Variants in EXOC4 observed in about 807,000 individuals in gnomAD.
The protein encoded by EXOC4 is exocyst complex component 4.
A neutral mutation model predicts 107.2 loss-of-function variants in EXOC4; 71 were observed. The ratio of observed to expected loss-of-function variants is 0.66; its 90% CI spans 0.55 to 0.81. The LOEUF is 0.81. EXOC4 is among the 30% of genes least tolerant of loss of function. EXOC4 has a pLI of 0.00. For missense variants in EXOC4, 1,108 were observed against 1,189.6 expected (o/e 0.93, Z 1.01); for synonymous variants, 456 against 441.2 (o/e 1.03, Z -0.42).
At chr7:133,695,900 A>AAAC (rs1345253721) in intron 10 of EXOC4, among the ~76,000 whole-genome samples, 1 of 152,258 alleles carries the variant, frequency 6.6e-6, no homozygotes, top group African/African-American at 2.4e-5. Context: ...TGTTATACTG[A>AAAC]AACACAACTG....
At chr7:133,610,721 A>T (rs990699522) in intron 9 of EXOC4, among the ~76,000 whole-genome samples, 2 of 152,022 alleles carry the variant, frequency 1.3e-5, no homozygotes, top group East Asian at 1.9e-4. Context: ...AGCAAAACAC[A>T]CAAGTGTTTC....
chr7:133,545,592 TTCTG>T (rs1237716799), intron 9 of EXOC4, among the ~76,000 whole-genome samples: 1 of 152,180 alleles, frequency 6.6e-6, no homozygotes, highest in Non-Finnish European at 1.5e-5. Flanking sequence ...AAATTTTCCT[TTCTG>T]TATTTATTAC....
intron 10 of EXOC4, among the ~76,000 whole-genome samples, chr7:133,761,254 C>T (rs1796026687): frequency 6.6e-6 from 1 of 151,998 alleles, no homozygotes; most frequent in Non-Finnish European, 1.5e-5. Flanking sequence ...GTGCATAGAG[C>T]GACACAGATG....
chr7:133,618,830 A>T (rs1054208169), intron 9 of EXOC4, among the ~76,000 whole-genome samples: 6 of 152,200 alleles, frequency 3.9e-5, no homozygotes, highest in Non-Finnish European at 7.4e-5. Context: ...ATTTTTGTCA[A>T]TTATTTATTG....
At chr7:133,679,600 A>G (rs1337679896) in intron 10 of EXOC4, among the ~76,000 whole-genome samples, 1 of 146,118 alleles carries the variant, frequency 6.8e-6, no homozygotes, top group Non-Finnish European at 1.5e-5. Flanking sequence ...TTGCTGCTCT[A>G]TCATGCCTCA....
intron 7 of EXOC4, among the ~76,000 whole-genome samples, chr7:133,449,239 T>C (rs1024389655): frequency 2.0e-5 from 3 of 152,172 alleles, no homozygotes; most frequent in Admixed American, 6.5e-5. Flanking sequence ...GATTGCTGGC[T>C]ACCACCAGAA....
intron 11 of EXOC4, among the ~76,000 whole-genome samples, chr7:133,861,882 T>C (rs962473785): frequency 6.6e-6 from 1 of 152,198 alleles, no homozygotes; most frequent in Admixed American, 6.5e-5. Flanking sequence ...GTTGAAGGTG[T>C]TTCCTGGACC....
chr7:133,283,803 C>T (rs1386081254), intron 2 of EXOC4, among the ~76,000 whole-genome samples: 2 of 152,202 alleles, frequency 1.3e-5, no homozygotes, highest in African/African-American at 4.8e-5. Flanking sequence ...TGAATTCTGG[C>T]ACTACTGATT....
chr7:133,641,505 G>C (rs1802854022), intron 10 of EXOC4, among the ~76,000 whole-genome samples: 1 of 152,076 alleles, frequency 6.6e-6, no homozygotes, highest in Non-Finnish European at 1.5e-5. Context: ...ACTTTAGCTA[G>C]TTGATTATTA....
intron 3 of EXOC4, among the ~76,000 whole-genome samples, chr7:133,300,863 A>G (rs892137066): frequency 1.3e-5 from 2 of 150,560 alleles, no homozygotes; most frequent in African/African-American, 2.5e-5. Context: ...TTATGGTTCA[A>G]GTTAATAATA....
chr7:133,760,267 A>G (rs954312150), intron 10 of EXOC4, among the ~76,000 whole-genome samples: 2 of 152,188 alleles, frequency 1.3e-5, no homozygotes, highest in Non-Finnish European at 1.5e-5. Flanking sequence ...TTTTGAATGT[A>G]GTGTTTATGT....
intron 10 of EXOC4, among the ~76,000 whole-genome samples, chr7:133,715,008 TTTC>T (rs1323895417): frequency 2.0e-5 from 3 of 152,178 alleles, no homozygotes; most frequent in African/African-American, 7.2e-5. Flanking sequence ...TCCATTAATA[TTTC>T]TTCTTCTGTT....
At chr7:133,661,891 A>G (rs545376079) in intron 10 of EXOC4, among the ~76,000 whole-genome samples, 2 of 152,202 alleles carry the variant, frequency 1.3e-5, no homozygotes, top group Admixed American at 1.3e-4. Context: ...GTAGTAAGAA[A>G]TTAAACGTGA....
chr7:133,973,997 C>G (rs190538566), intron 14 of EXOC4, among the ~76,000 whole-genome samples: 86 of 152,276 alleles, frequency 5.6e-4, no homozygotes, highest in African/African-American at 2.0e-3. Context: ...TCATAACTAA[C>G]CCACTCCTGC....
At position 133,306,002 on chromosome 7, in the gene EXOC4, C is replaced by T. The variant is rs139035246; in HGVS notation, c.597C>T (p.His199=). Reference sequence around the variant, plus strand: ...TTCTCATAGATGAACTACACCGGCACCTGTACATCAAATCGACTAGCCGAG... The same window carrying T: ...TTCTCATAGATGAACTACACCGGCATCTGTACATCAAATCGACTAGCCGAG... ...HLVLIDELHR[H]LYIKSTSRVV... is the part of the protein sequence containing the mutation. The change falls in exon 4 of 18, where the codon CAC becomes CAT. Residue 199 remains histidine (H), a synonymous_variant. Transcript: ENST00000253861. 1.3e-4 allele frequency: 211 copies of T among 1,613,660 alleles called. No individual in the cohort carries two copies. The highest frequency in any genetic ancestry group is 1.7e-4 in the Non-Finnish European group (206 of 1,179,864).
At chr7:134,085,868 G>A in the EXOC4 span, among the ~76,000 whole-genome samples, 32,025 of 152,112 alleles carry the variant, frequency 0.21, 3,723 homozygotes, top group Middle Eastern at 0.26. Flanking sequence ...TTCACAGGGG[G>A]CTTTGAAAAA....
intron 7 of EXOC4, among the ~76,000 whole-genome samples, chr7:133,454,814 A>G (rs970600711): frequency 3.3e-5 from 5 of 152,194 alleles, no homozygotes; most frequent in African/African-American, 9.7e-5. Context: ...TGATTAAGTT[A>G]TAGGCCAGAC....
chr7:133,470,175 A>T (rs924839500), intron 7 of EXOC4, among the ~76,000 whole-genome samples: 1 of 152,204 alleles, frequency 6.6e-6, no homozygotes, highest in African/African-American at 2.4e-5. Flanking sequence ...GCTGGGATAA[A>T]TGGAGAAGCT....
chr7:133,366,853 T>C (rs553379793), intron 6 of EXOC4, among the ~76,000 whole-genome samples: 1 of 152,228 alleles, frequency 6.6e-6, no homozygotes, highest in Admixed American at 6.5e-5. Flanking sequence ...AGGAAAGGAC[T>C]GGAGGGAAGG....
Sources: allele counts gnomAD v4.1 joint callset (sites outside exome capture counted in the v4.1 genomes callset), GRCh38; gene constraint gnomAD v4.1.1; transcripts MANE v1.5; gene names NCBI Gene and HGNC (gene_info 2026-07-23, HGNC 2026-07-21).